Variants in CAMSAP1 observed in about 807,000 individuals in gnomAD.
CAMSAP1 encodes the protein calmodulin regulated spectrin associated protein 1.
CAMSAP1 carries 58 observed loss-of-function variants against 143.5 expected under a neutral mutation model. That is an observed-to-expected ratio of 0.40 (90% CI 0.33 to 0.50). CAMSAP1 has a LOEUF of 0.50. Ranked by LOEUF, CAMSAP1 falls within the 20% of genes least tolerant of loss-of-function variation. CAMSAP1 has a pLI of 0.45. For synonymous variants in CAMSAP1, 945 were observed against 859.3 expected, an observed-to-expected ratio of 1.10 and a Z score of -1.74; for missense variants, 1,969 against 2,115.7, an observed-to-expected ratio of 0.93 and a Z score of 1.36.
At position 135,818,284 on chromosome 9, in the gene CAMSAP1, G is replaced by T; in HGVS notation, c.4168+124C>A. 8.6e-7 allele frequency: 1 copy of T among 1,162,328 alleles called. No homozygotes were observed. The highest frequency in any genetic ancestry group is 1.2e-6 in the Non-Finnish European group (1 of 833,372). 72.0% of individuals were successfully genotyped at this position (1,162,328 alleles called of 1,614,324 possible). ...TCAACATTGTCATCCATGAAACGGG[G>T]ATAATCATCTCCACCCTTCCCGCCT... is the stretch of plus-strand genomic sequence containing the variant. On this transcript the variant is annotated intron_variant, in intron 13 of 16. Transcript: ENST00000389532. The surrounding 1 kb of genome is among the most constrained non-coding windows in gnomAD (Gnocchi z 7.7).
At chr9:135,825,778 C>T (rs1384994701) in intron 8 of CAMSAP1, among the ~76,000 whole-genome samples, 3 of 152,110 alleles carry the variant, frequency 2.0e-5, no homozygotes, top group Non-Finnish European at 4.4e-5. Context: ...TCACAGGGGA[C>T]AGCTCGGCAC....
chr9:135,814,792 C>A (rs1375076517), intron 16 of CAMSAP1, among the ~76,000 whole-genome samples: 1 of 152,250 alleles, frequency 6.6e-6, no homozygotes, highest in Admixed American at 6.5e-5. Context: ...TCTGCCCACA[C>A]CTGCATCCAC....
In CAMSAP1 at chr9:135,815,892, G is replaced by A. The variant is rs1835212673; in HGVS notation, c.4385C>T (p.Thr1462Ile). ...ASSLASVAEY[T>I]GPKLFKEPSS... ...CTAAGGAGGGCGAACGCCGTCACCT[G>A]TGTACTCGGCCACTGAGGCCAGGGA... The change falls in exon 15 of 17, where the codon ACA (threonine) becomes ATA (isoleucine). Residue 1462 changes from threonine to isoleucine, a missense_variant and splice_region_variant. Physicochemically the swap from Thr to Ile is moderately conservative, Grantham distance 89. Around this residue, in one of 4 missense-constraint regions of CAMSAP1, gnomAD observed 143 missense variants for 200.6 expected, o/e 0.71. Coordinates refer to ENST00000389532, the MANE Select transcript of CAMSAP1 (RefSeq NM_015447.4). 6.2e-7 allele frequency: 1 copy of A among 1,613,264 alleles called. No individual in the cohort carries two copies. Among genetic ancestry groups the A allele is most frequent in the Non-Finnish European group, 8.5e-7 (1 of 1,179,564 alleles).
chr9:135,834,830 G>C (rs369913646), intron 7 of CAMSAP1, among the ~76,000 whole-genome samples: 9 of 152,160 alleles, frequency 5.9e-5, no homozygotes, highest in African/African-American at 2.2e-4. Context: ...CTGGTAACCA[G>C]TTCACTATGT....
intron 7 of CAMSAP1, among the ~76,000 whole-genome samples, chr9:135,829,341 A>G (rs971831673): frequency 2.3e-5 from 3 of 128,094 alleles, no homozygotes; most frequent in Non-Finnish European, 4.7e-5. Flanking sequence ...ATCTCTACTG[A>G]AAAAAAAAAA....
intron 7 of CAMSAP1, 145 bp from the exon 8 acceptor site, chr9:135,827,729 T>C: frequency 1.5e-6 from 1 of 684,956 alleles, no homozygotes; most frequent in East Asian, 2.8e-5. Context: ...GTTTAACAAA[T>C]GTATTCTGTA....
At chr9:135,901,658 C>A (rs1223632504) in intron 1 of CAMSAP1, among the ~76,000 whole-genome samples, 1 of 152,022 alleles carries the variant, frequency 6.6e-6, no homozygotes, top group African/African-American at 2.4e-5. Context: ...GCATTTCCAG[C>A]CTAACGACAT....
intron 16 of CAMSAP1, among the ~76,000 whole-genome samples, chr9:135,813,352 T>C (rs1347462786): frequency 1.3e-5 from 2 of 152,244 alleles, no homozygotes; most frequent in East Asian, 3.8e-4. Flanking sequence ...AAAGTTACTT[T>C]TCATAAATAT....
chr9:135,870,543 C>T (rs1564450341), intron 3 of CAMSAP1, among the ~76,000 whole-genome samples: 1 of 152,192 alleles, frequency 6.6e-6, no homozygotes, highest in East Asian at 1.9e-4. Context: ...CCTGTAATCC[C>T]AGCACTTTGG....
intron 7 of CAMSAP1, among the ~76,000 whole-genome samples, chr9:135,849,396 G>A (rs1372803407): frequency 1.3e-5 from 2 of 152,216 alleles, no homozygotes; most frequent in East Asian, 1.9e-4. Flanking sequence ...CAAGCTGCAG[G>A]CCGTCTGGGT....
chr9:135,881,842 C>A, intron 2 of CAMSAP1, 48 bp from the exon 3 acceptor site: 1 of 1,543,288 alleles, frequency 6.5e-7, no homozygotes, highest in Non-Finnish European at 8.8e-7. Flanking sequence ...ACCCCTCTTA[C>A]CAGGTTCTGA....
chr9:135,830,663 G>A (rs1231181014), intron 7 of CAMSAP1, among the ~76,000 whole-genome samples: 1 of 152,098 alleles, frequency 6.6e-6, no homozygotes, highest in Non-Finnish European at 1.5e-5. Context: ...ACAAAGAACA[G>A]CAGGCTTACA....
chr9:135,900,831 C>G (rs1838596288), intron 1 of CAMSAP1, among the ~76,000 whole-genome samples: 1 of 152,054 alleles, frequency 6.6e-6, no homozygotes. Context: ...CTCGGCTCAC[C>G]GCAGCCTCCG....
chr9:135,881,839 T>C (rs1410134163), intron 2 of CAMSAP1, 45 bp from the exon 3 acceptor site: 1 of 1,544,434 alleles, frequency 6.5e-7, no homozygotes, highest in Admixed American at 2.0e-5. Context: ...CCCACCCCTC[T>C]TACCAGGTTC....
At chr9:135,893,217 G>A (rs1838340831) in intron 1 of CAMSAP1, among the ~76,000 whole-genome samples, 1 of 149,584 alleles carries the variant, frequency 6.7e-6, no homozygotes. Context: ...GGAGGACAGT[G>A]AAAGAAGAAA....
At chr9:135,856,636 T>A (rs1836989574) in intron 5 of CAMSAP1, among the ~76,000 whole-genome samples, 1 of 152,052 alleles carries the variant, frequency 6.6e-6, no homozygotes, top group South Asian at 2.1e-4. Context: ...CTCCCCAGCC[T>A]CTCTCCCCAG....
intron 7 of CAMSAP1, among the ~76,000 whole-genome samples, chr9:135,834,429 T>C (rs1002499031): frequency 5.9e-5 from 9 of 152,042 alleles, no homozygotes; most frequent in African/African-American, 2.2e-4. Context: ...AATAAAGAAA[T>C]TGTGATATAC....
Position 135,832,569 on chromosome 9 carries a change from A to C in CAMSAP1, c.1046-4985T>G, listed in dbSNP as rs185908113. On this transcript the variant is annotated intron_variant, in intron 7 of 16. Coordinates refer to ENST00000389532, the MANE Select transcript of CAMSAP1 (RefSeq NM_015447.4). The stretch of plus-strand genomic sequence containing the variant: ...ACAGTACTGGAAATTCTAGTCAGAT[A>C]AATTAGTCAAAATAAATAAATAAAT... Among the ~76,000 whole-genome samples, 43 of 152,298 alleles carry C rather than the reference A, an allele frequency of 2.8e-4. No homozygotes were observed. The East Asian group carries it at 7.7e-3, about 27-fold the overall frequency.
At position 135,850,176 on chromosome 9, in the gene CAMSAP1, C is replaced by T; in HGVS notation, c.1006G>A (p.Asp336Asn). The T allele has an allele frequency of 6.2e-7, 1 of 1,612,406 alleles. No individual in the cohort carries two copies. Among genetic ancestry groups the T allele is most frequent in the Non-Finnish European group, 8.5e-7 (1 of 1,179,278 alleles). The change falls in exon 7 of 17, where the codon GAT (aspartate) becomes AAT (asparagine). Residue 336 changes from aspartate to asparagine, a missense_variant. Transcript: ENST00000389532. ...LFWWFENVKP[D>N]FVQPRDVQEL... ...TGAACATCCCTGGGCTGAACAAAAT[C>T]TGGCTTGACATTCTCGAACCACCAA...
Sources: allele counts gnomAD v4.1 joint callset (sites outside exome capture counted in the v4.1 genomes callset), GRCh38; gene constraint gnomAD v4.1.1; regional missense constraint gnomAD v4.1.1; non-coding constraint Gnocchi (gnomAD v3.1); transcripts MANE v1.5; gene names NCBI Gene and HGNC (gene_info 2026-07-23, HGNC 2026-07-21).